SSUH2: variants seen among roughly 807,000 people sequenced by gnomAD.
The protein encoded by SSUH2 is protein SSUH2 homolog.
Under a neutral mutation model 55.3 loss-of-function variants are expected in SSUH2, and 47 were observed. The observed-to-expected ratio is 0.85, with a 90% confidence interval of 0.67 to 1.08. SSUH2 has a LOEUF of 1.08. Ranked by LOEUF, SSUH2 falls within the 50% of genes least tolerant of loss-of-function variation. The probability of loss-of-function intolerance (pLI) is 0.00; values close to 1 mark genes in which losing one functional copy is unlikely to be tolerated. For missense variants in SSUH2, 535 were observed against 490.7 expected (o/e 1.09, Z -0.85); for synonymous variants, 212 against 191.5 (o/e 1.11, Z -0.89).
Position 8,678,869 on chromosome 3 carries a change from G to C in SSUH2, c.-901+836C>G, listed in dbSNP as rs539239305. Among the ~76,000 whole-genome samples, 3 of 109,700 alleles carry C rather than the reference G, an allele frequency of 2.7e-5. 1 individual carries two copies. Among genetic ancestry groups the C allele is most frequent in the Admixed American group, 8.9e-5 (1 of 11,190 alleles). 72.0% of individuals were successfully genotyped at this position (109,700 alleles called of 152,430 possible). On this transcript the variant is annotated intron_variant, in intron 2 of 18. Coordinates refer to the SSUH2 transcript ENST00000317371. ...AACCAATCCCTCTTCCCCCAGCCTG[G>C]CTCTTAGGATCCCCATTGCAAGGGA...
chr3:8,627,633 T>C, intron 8 of SSUH2, 65 bp downstream of exon 8: 3 of 1,351,402 alleles, frequency 2.2e-6, no homozygotes, highest in Non-Finnish European at 3.0e-6. Context: ...GCCTTCCAGA[T>C]GGGCAGGCAA....
chr3:8,648,368 C>T (rs1701979984), upstream of SSUH2, among the ~76,000 whole-genome samples: 1 of 152,172 alleles, frequency 6.6e-6, no homozygotes, highest in African/African-American at 2.4e-5. Flanking sequence ...TTTTCACTGA[C>T]CTGGCTACTT....
intron 2 of SSUH2, among the ~76,000 whole-genome samples, chr3:8,678,190 A>G (rs1705569295): frequency 6.6e-6 from 1 of 150,928 alleles, no homozygotes; most frequent in African/African-American, 2.4e-5. Flanking sequence ...AAGTCATATC[A>G]CCCCCTCCGC....
At position 8,630,844 on chromosome 3, in the gene SSUH2, G is replaced by A. The variant is rs1698622174; in HGVS notation, c.486C>T (p.Asp162=). 1 of 1,502,888 alleles carries A rather than the reference G, an allele frequency of 6.7e-7. No homozygotes were observed. The highest frequency in any genetic ancestry group is 2.3e-5 in the Admixed American group (1 of 44,254). 93.1% of individuals were successfully genotyped at this position (1,502,888 alleles called of 1,614,324 possible). A position where few individuals can be genotyped will look rare whatever the true frequency, so the allele number is the denominator to read the frequency against. The change falls in exon 6 of 12, where the codon GAC becomes GAT. Residue 162 remains aspartate, a synonymous_variant. Transcript: ENST00000544814. ...AGTGAGGGACCTGGAACTTCCTGGTGTCTTCCTGAAACATCGGAGGACCTT... is the reference window on the plus strand; with the variant it reads ...AGTGAGGGACCTGGAACTTCCTGGTATCTTCCTGAAACATCGGAGGACCTT... ...KVQGPPMFQE[D]TRKFQVPHSS...
At chr3:8,638,151 T>C (rs1700228321) in intron 1 of SSUH2, among the ~76,000 whole-genome samples, 1 of 152,144 alleles carries the variant, frequency 6.6e-6, no homozygotes, top group Non-Finnish European at 1.5e-5. Flanking sequence ...TGAGCCTTTC[T>C]GGGGCGAAGG....
intron 1 of SSUH2, among the ~76,000 whole-genome samples, chr3:8,638,846 C>A (rs1700366100): frequency 1.3e-5 from 2 of 152,186 alleles, no homozygotes; most frequent in African/African-American, 2.4e-5. Context: ...CCCCACCCAC[C>A]CACAAGTCTT....
At position 8,619,891 on chromosome 3, in the gene SSUH2, A is replaced by G. The variant is rs1696055305; in HGVS notation, c.1105T>C (p.Cys369Arg). The stretch of plus-strand genomic sequence containing the variant: ...TGTCACACGATGGTACAGCCACAGC[A>G]ATACCGCTCAGGATAGTCCACCGCA... Reference protein sequence around the residue: ...VYAVDYPERYCCGCTIV With the variant: ...VYAVDYPERYRCGCTIV The change falls in exon 12 of 12, where the codon TGC becomes CGC. Residue 369 changes from cysteine to arginine, a missense_variant. Physicochemically the swap from Cys to Arg is radical, Grantham distance 180 (BLOSUM62 -3). Transcript: ENST00000544814. 1.2e-6 allele frequency: 2 copies of G among 1,614,110 alleles called. No individual in the cohort carries two copies. The highest frequency in any genetic ancestry group is 1.7e-4 in the Middle Eastern group (1 of 6,060).
In SSUH2 at chr3:8,635,387, G is replaced by T. The variant is rs879753381; in HGVS notation, c.128-6C>A. On this transcript the variant is annotated splice_region_variant and splice_polypyrimidine_tract_variant and intron_variant, in intron 2 of 11. Coordinates refer to ENST00000544814, the MANE Select transcript of SSUH2 (RefSeq NM_001256748.3). ...TGGGAAGAATATCTGTCCTCCTGGA[G>T]AAGGGAAGAGTCAGGGGCTGGACAG... The T allele has an allele frequency of 3.3e-6, 5 of 1,534,622 alleles. No homozygotes were observed. The highest frequency in any genetic ancestry group is 3.5e-6 in the Non-Finnish European group (4 of 1,145,710).
chr3:8,629,292 C>G (rs1466706), intron 7 of SSUH2: 86,498 of 252,454 alleles, frequency 0.34, 15,450 homozygotes, highest in Middle Eastern at 0.47. Flanking sequence ...CTGCCCTGCA[C>G]GACAAATGGA....
chr3:8,623,617 G>C lies in SSUH2; in HGVS notation c.913C>G (p.Leu305Val). The C allele has an allele frequency of 6.5e-7, 1 of 1,544,792 alleles. No homozygotes were observed. The highest frequency in any genetic ancestry group is 8.8e-7 in the Non-Finnish European group (1 of 1,141,632). The change falls in exon 11 of 12, where the codon CTT (leucine) becomes GTT (valine). Residue 305 changes from leucine (L) to valine (V), a missense_variant. Coordinates refer to ENST00000544814, the MANE Select transcript of SSUH2 (RefSeq NM_001256748.3). ...TCTGCAATGCCCCTCTGGGAGGCAA[G>C]AGAGATGTCTCGCAGAGGGAAGTCC... ...IVDFPLRDISLASQRGIAEHS... is the reference protein window; with the variant it reads ...IVDFPLRDISVASQRGIAEHS...
chr3:8,675,062 G>A (rs1189320431), intron 3 of SSUH2, among the ~76,000 whole-genome samples: 2 of 152,140 alleles, frequency 1.3e-5, no homozygotes, highest in Non-Finnish European at 1.5e-5. Flanking sequence ...CCCAAGCCAC[G>A]GACCAAGGAC....
rs150461753 is a variant in SSUH2 at position 8,661,937 on chromosome 3, G to A, written c.-396+1807C>T. On this transcript the variant is annotated intron_variant, in intron 6 of 18. Transcript: ENST00000317371. ...GTAGTGGATAAGTCTCATGAAATCC[G>A]ACGTTTCCCCTTTTGCTTGGCTCTC... Among the ~76,000 whole-genome samples the A allele has an allele frequency of 7.2e-5, 11 of 152,258 alleles. No homozygotes were observed. The East Asian group carries it at 1.5e-3, about 21-fold the overall frequency.
intron 7 of SSUH2, among the ~76,000 whole-genome samples, chr3:8,628,011 C>T (rs2125129207): frequency 6.6e-6 from 1 of 152,324 alleles, no homozygotes; most frequent in South Asian, 2.1e-4. Context: ...AGACATCAGC[C>T]TCTCCTGCCT....
Position 8,663,681 on chromosome 3 carries a change from TTAAC to T in SSUH2, c.-396+59_-396+62del, listed in dbSNP as rs541546922. ...GGGGTGCTAGGAATGTGTTAATTGA[TTAAC>T]TAACTCAGCCTCCCCCATCCAAAGC... is the stretch of plus-strand genomic sequence containing the variant. On this transcript the variant is annotated intron_variant, in intron 6 of 18. Transcript: ENST00000317371. 1,609 of 386,064 alleles carry T rather than the reference TTAAC, an allele frequency of 4.2e-3. 8 individuals carry two copies. The highest frequency in any genetic ancestry group is 0.023 in the Middle Eastern group (61 of 2,692). 23.9% of individuals were successfully genotyped at this position (386,064 alleles called of 1,614,324 possible).
At chr3:8,624,178 C>A (rs1697046822) in intron 10 of SSUH2, among the ~76,000 whole-genome samples, 1 of 152,206 alleles carries the variant, frequency 6.6e-6, no homozygotes, top group Non-Finnish European at 1.5e-5. Flanking sequence ...GCTTGAAAGC[C>A]TTCCACATAT....
chr3:8,668,960 G>C (rs1704255445), intron 5 of SSUH2, among the ~76,000 whole-genome samples: 1 of 151,760 alleles, frequency 6.6e-6, no homozygotes, highest in Non-Finnish European at 1.5e-5. Context: ...GAGGGAGGGA[G>C]GGAAGGAAAG....
chr3:8,634,258 G>A (rs544545005), intron 3 of SSUH2: 3 of 687,224 alleles, frequency 4.4e-6, no homozygotes, highest in East Asian at 1.0e-4. Context: ...ACTGGCCCAG[G>A]GCTGATGGCA....
intron 3 of SSUH2, 187 bp from the exon 4 acceptor site, chr3:8,633,982 C>CT (rs1559368915): frequency 6.2e-7 from 1 of 1,604,200 alleles, no homozygotes; most frequent in Admixed American, 1.7e-5. Context: ...AGCGTGAGAA[C>CT]GGGGCAGGTT....
chr3:8,673,401 ATGCCAC>A (rs1357036634), intron 3 of SSUH2, among the ~76,000 whole-genome samples: 1 of 152,070 alleles, frequency 6.6e-6, no homozygotes, highest in Admixed American at 6.5e-5. Context: ...GGGGATCCAA[ATGCCAC>A]TGAGAGACCA....
Sources: allele counts gnomAD v4.1 joint callset (sites outside exome capture counted in the v4.1 genomes callset), GRCh38; gene constraint gnomAD v4.1.1; transcripts MANE v1.5; gene names NCBI Gene and HGNC (gene_info 2026-07-23, HGNC 2026-07-21).